Variants in CCDC3 observed in about 807,000 individuals in gnomAD.
The protein encoded by CCDC3 is coiled-coil domain-containing protein 3.
In CCDC3, 24 loss-of-function variants were observed where a neutral mutation model predicts 21.4. The observed-to-expected ratio is 1.12, with a 90% confidence interval of 0.81 to 1.58. The LOEUF (loss-of-function observed/expected upper bound fraction) is 1.58. Ranked by LOEUF, CCDC3 falls within the 40% of genes most tolerant of loss-of-function variation. The pLI is 0.00. For synonymous variants in CCDC3, 186 were observed against 166.0 expected (o/e 1.12, Z -0.93); for missense variants, 425 against 360.9 (o/e 1.18, Z -1.44).
chr10:13,093,276 A>G (rs532451990), intron 3 of CCDC3, among the ~76,000 whole-genome samples: 2 of 152,328 alleles, frequency 1.3e-5, no homozygotes, highest in South Asian at 4.1e-4. Context: ...AGAGAGAATG[A>G]GAACCAAGTG....
chr10:13,068,747 TA>T (rs1021856627), intron 4 of CCDC3, among the ~76,000 whole-genome samples: 2 of 152,114 alleles, frequency 1.3e-5, no homozygotes, highest in African/African-American at 4.8e-5. Flanking sequence ...AGGTTCTACA[TA>T]AAAGTTAAAA....
At chr10:13,097,142 A>C (rs1472080674) in intron 3 of CCDC3, among the ~76,000 whole-genome samples, 2 of 152,140 alleles carry the variant, frequency 1.3e-5, no homozygotes, top group African/African-American at 4.8e-5. Flanking sequence ...AAACCTTCCC[A>C]CACTGCTCTA....
intron 2 of CCDC3, among the ~76,000 whole-genome samples, chr10:12,970,920 C>G (rs1430710267): frequency 1.3e-5 from 2 of 151,892 alleles, no homozygotes; most frequent in Admixed American, 1.3e-4. Context: ...GTCTGCAAAC[C>G]AATAACTAAG....
intron 2 of CCDC3, among the ~76,000 whole-genome samples, chr10:12,985,589 C>G (rs73583852): frequency 4.6e-5 from 7 of 152,132 alleles, no homozygotes; most frequent in Admixed American, 1.3e-4. Flanking sequence ...GGAATACTAC[C>G]CAGCAATGAA....
intron 3 of CCDC3, among the ~76,000 whole-genome samples, chr10:13,075,953 T>C (rs998745400): frequency 2.6e-5 from 4 of 152,070 alleles, no homozygotes; most frequent in Non-Finnish European, 5.9e-5. Flanking sequence ...ATCCCAGATA[T>C]CCAAAGGCTG....
chr10:13,077,740 C>G (rs143962306), intron 3 of CCDC3, among the ~76,000 whole-genome samples: 3,203 of 152,232 alleles, frequency 0.021, 103 homozygotes, highest in African/African-American at 0.072. Flanking sequence ...ACAAACCTGA[C>G]AAAAACAAGC....
intron 5 of CCDC3, among the ~76,000 whole-genome samples, chr10:13,042,699 G>C (rs1836474555): frequency 6.6e-6 from 1 of 151,854 alleles, no homozygotes; most frequent in Admixed American, 6.6e-5. Context: ...ACGAGGTCAG[G>C]AGATCGAGAC....
At position 13,095,713 on chromosome 10, in the gene CCDC3, GA is replaced by G. The variant is rs1832622215; in HGVS notation, c.-503+2811del. On this transcript the variant is annotated intron_variant, in intron 3 of 6. Coordinates refer to the CCDC3 transcript ENST00000378839. ...GGGTTTGGGGACCCCTGCTTTATTGGACATAATTATTAGGTCGTGTTCTTTT... is the reference window on the plus strand; with the variant it reads ...GGGTTTGGGGACCCCTGCTTTATTGGCATAATTATTAGGTCGTGTTCTTTT... 2.0e-5 allele frequency among the ~76,000 whole-genome samples: 3 copies of G among 152,236 alleles called. No homozygotes were observed. In the South Asian group the frequency reaches 6.2e-4, roughly 32 times the overall value.
At chr10:13,058,149 T>C (rs1220536618) in intron 4 of CCDC3, 3 of 899,140 alleles carry the variant, frequency 3.3e-6, no homozygotes, top group Non-Finnish European at 5.5e-6. Context: ...AATCATTTGG[T>C]ATTGCGAGGG....
chr10:13,042,585 G>C (rs1836472103), intron 5 of CCDC3, among the ~76,000 whole-genome samples: 1 of 152,174 alleles, frequency 6.6e-6, no homozygotes, highest in South Asian at 2.1e-4. Flanking sequence ...CTTCCTGCTT[G>C]GTTACCTTCT....
chr10:12,898,636 T>A lies in CCDC3; in HGVS notation c.593A>T (p.Asp198Val), dbSNP rs775641938. ...TTTCTGCTGCAGTTTCTTGACGTGG[T>A]CCTCCTCCTCAAACAAGGCCTTCTG... ...SVQKALFEEE[D>V]HVKKLQQKVA... is the part of the protein sequence containing the mutation. Residue 198 changes from aspartate (D) to valine (V), a missense_variant, in exon 3 of 3, where the codon GAC becomes GTC. By Grantham distance (152) the Asp-to-Val change is radical. Coordinates refer to ENST00000378825, the MANE Select transcript of CCDC3 (RefSeq NM_031455.4). The A allele has an allele frequency of 4.3e-6, 7 of 1,614,170 alleles. No individual in the cohort carries two copies. The highest frequency in any genetic ancestry group is 5.9e-6 in the Non-Finnish European group (7 of 1,180,026).
chr10:12,984,890 G>A (rs1325958059), intron 2 of CCDC3, among the ~76,000 whole-genome samples: 3 of 152,164 alleles, frequency 2.0e-5, no homozygotes, highest in African/African-American at 7.2e-5. Context: ...AATTGCTGGG[G>A]CCTGGAAGAA....
chr10:13,027,721 A>AG (rs1226417489), intron 5 of CCDC3, among the ~76,000 whole-genome samples: 1 of 15,094 alleles, frequency 6.6e-5, no homozygotes, highest in Non-Finnish European at 3.9e-4. Flanking sequence ...AAAAAAAATT[A>AG]AAAAAAAAAA....
chr10:13,010,948 G>A (rs1010772921), intron 5 of CCDC3, among the ~76,000 whole-genome samples: 1 of 152,158 alleles, frequency 6.6e-6, no homozygotes. Context: ...TTGCGAGGCC[G>A]AGGTGGGTGG....
rs748809673 is a variant in CCDC3, at chr10:12,898,436, G to C, written c.793C>G (p.Pro265Ala). 5 of 1,604,292 alleles carry C rather than the reference G, an allele frequency of 3.1e-6. No individual in the cohort carries two copies. Among genetic ancestry groups the C allele is most frequent in the African/African-American group, 1.3e-5 (1 of 74,532 alleles). ...GCCCGTTACCCCCGCAGGTAGGGGGGGCGCACGGGCCCCCGGGCATTGATG... is the reference window on the plus strand; with the variant it reads ...GCCCGTTACCCCCGCAGGTAGGGGGCGCGCACGGGCCCCCGGGCATTGATG... ...PHINARGPVR[P>A]PYLRG The change falls in exon 3 of 3, where the codon CCC (proline) becomes GCC (alanine). Residue 265 changes from proline (P) to alanine (A), a missense_variant. Pro to Ala is a conservative substitution (Grantham distance 27). Coordinates refer to ENST00000378825, the MANE Select transcript of CCDC3 (RefSeq NM_031455.4).
chr10:13,020,683 C>T (rs1401353937), intron 5 of CCDC3, among the ~76,000 whole-genome samples: 1 of 152,056 alleles, frequency 6.6e-6, no homozygotes, highest in East Asian at 1.9e-4. Context: ...TATTGGATAA[C>T]CAGATCAGCC....
rs146736976 is a variant in CCDC3 at position 13,024,705 on chromosome 10, C to T, written c.-2+24969G>A. ...AGCTTAACTTGTACCTTCTGTTCTCCGTCATAGGCAACTAAAAAGAAGCCA... is the reference window on the plus strand; with the variant it reads ...AGCTTAACTTGTACCTTCTGTTCTCTGTCATAGGCAACTAAAAAGAAGCCA... On this transcript the variant is annotated intron_variant, in intron 5 of 6. Transcript: ENST00000378839. Among the ~76,000 whole-genome samples, 673 of 152,252 alleles carry T rather than the reference C, an allele frequency of 4.4e-3. 26 individuals carry two copies. The South Asian group carries it at 0.074, about 17-fold the overall frequency.
chr10:13,002,976 C>T (rs143108234), upstream of CCDC3, among the ~76,000 whole-genome samples: 697 of 152,336 alleles, frequency 4.6e-3, 3 homozygotes, highest in Non-Finnish European at 7.8e-3. Context: ...GTTATCACCC[C>T]ACCCTTATGT....
intron 2 of CCDC3, among the ~76,000 whole-genome samples, chr10:12,960,923 C>G (rs534532789): frequency 6.6e-6 from 1 of 152,278 alleles, no homozygotes; most frequent in African/African-American, 2.4e-5. Context: ...TGGTGACCCT[C>G]AGGCTTTCTT....
Sources: allele counts gnomAD v4.1 joint callset (sites outside exome capture counted in the v4.1 genomes callset), GRCh38; gene constraint gnomAD v4.1.1; transcripts MANE v1.5; gene names NCBI Gene and HGNC (gene_info 2026-07-23, HGNC 2026-07-21).